NPAS3: variants seen among roughly 807,000 people sequenced by gnomAD.
NPAS3 encodes the protein neuronal PAS domain protein 3.
Under a neutral mutation model 73.1 loss-of-function variants are expected in NPAS3, and 14 were observed. The ratio of observed to expected loss-of-function variants is 0.19; its 90% CI spans 0.13 to 0.30. NPAS3 has a LOEUF of 0.30. Among genes scored for constraint, NPAS3 ranks in the 10% least tolerant of loss-of-function variants. The pLI is 1.00. For missense variants in NPAS3, 1,096 were observed against 1,250.0 expected, an observed-to-expected ratio of 0.88 and a Z score of 1.86; for synonymous variants, 620 against 541.5, an observed-to-expected ratio of 1.14 and a Z score of -2.01.
intron 5 of NPAS3, among the ~76,000 whole-genome samples, chr14:33,610,809 G>T (rs1305024993): frequency 2.6e-5 from 4 of 152,172 alleles, no homozygotes; most frequent in Non-Finnish European, 5.9e-5. Context: ...TCATAAATTA[G>T]CAAGGAGCTA....
At chr14:33,120,151 G>A (rs1595489323) in intron 2 of NPAS3, among the ~76,000 whole-genome samples, 1 of 152,162 alleles carries the variant, frequency 6.6e-6, no homozygotes, top group East Asian at 1.9e-4. Context: ...AGTAGAGATG[G>A]GGTTTCACCA....
intron 4 of NPAS3, among the ~76,000 whole-genome samples, chr14:33,450,669 A>G (rs1034747509): frequency 2.1e-4 from 32 of 152,206 alleles, no homozygotes; most frequent in Non-Finnish European, 3.4e-4. Context: ...AGAGTTGGCC[A>G]TGATATTTTA....
intron 2 of NPAS3, chr14:33,213,797 G>A (rs749586352): frequency 3.9e-5 from 6 of 152,128 alleles, no homozygotes; most frequent in African/African-American, 9.7e-5. Flanking sequence ...AACTGGTTGG[G>A]TATTAGCCTA....
At chr14:33,160,570 A>G (rs1450029651) in intron 2 of NPAS3, among the ~76,000 whole-genome samples, 2 of 151,588 alleles carry the variant, frequency 1.3e-5, no homozygotes, top group Admixed American at 6.6e-5. Flanking sequence ...CAGCACACCA[A>G]CATGGCACAT....
chr14:33,593,575 A>G (rs1169400972), intron 5 of NPAS3, among the ~76,000 whole-genome samples: 1 of 152,230 alleles, frequency 6.6e-6, no homozygotes, highest in African/African-American at 2.4e-5. Flanking sequence ...TTCTCCTGCA[A>G]TGGGCAACAA....
chr14:33,246,414 G>A (rs113802398), intron 3 of NPAS3, among the ~76,000 whole-genome samples: 2 of 150,736 alleles, frequency 1.3e-5, no homozygotes, highest in African/African-American at 2.4e-5. Context: ...TGGCGGGCAC[G>A]TGTAGTCCCA....
intron 5 of NPAS3, among the ~76,000 whole-genome samples, chr14:33,620,088 T>G (rs2058034688): frequency 1.3e-5 from 2 of 152,222 alleles, no homozygotes; most frequent in Non-Finnish European, 2.9e-5. Flanking sequence ...TGACAGGGTC[T>G]GGATGTGCTG....
chr14:33,295,049 TTTTA>T (rs1470268908), intron 3 of NPAS3, among the ~76,000 whole-genome samples: 2 of 152,220 alleles, frequency 1.3e-5, no homozygotes, highest in African/African-American at 4.8e-5. Flanking sequence ...AAAAATAGAC[TTTTA>T]TTTATCACAA....
chr14:33,097,865 T>C (rs1240675642), intron 2 of NPAS3, among the ~76,000 whole-genome samples: 1 of 152,220 alleles, frequency 6.6e-6, no homozygotes, highest in Admixed American at 6.5e-5. Flanking sequence ...ATTATCTGCT[T>C]TCTTGACTTA....
At chr14:33,612,307 A>C (rs1213733492) in intron 5 of NPAS3, 4 of 432,646 alleles carry the variant, frequency 9.2e-6, no homozygotes, top group Admixed American at 2.5e-5. Flanking sequence ...ATTTGCGCTC[A>C]AAGTGTTTCA....
intron 4 of NPAS3, among the ~76,000 whole-genome samples, chr14:33,429,441 G>A (rs1007926909): frequency 2.6e-5 from 4 of 152,066 alleles, no homozygotes; most frequent in African/African-American, 7.2e-5. Context: ...TTTTCTACAC[G>A]CAAATTAGTT....
At chr14:33,611,499 A>G (rs1165621879) in intron 5 of NPAS3, among the ~76,000 whole-genome samples, 1 of 152,042 alleles carries the variant, frequency 6.6e-6, no homozygotes, top group Non-Finnish European at 1.5e-5. Flanking sequence ...GCAGTCTTAG[A>G]CCGGGGGAGC....
At chr14:33,072,156 G>T (rs1202738006) in intron 2 of NPAS3, among the ~76,000 whole-genome samples, 1 of 152,182 alleles carries the variant, frequency 6.6e-6, no homozygotes, top group Non-Finnish European at 1.5e-5. Context: ...CTCCTAAAGT[G>T]CTGGGATTAC....
chr14:33,556,362 C>T (rs2055358405), intron 4 of NPAS3, among the ~76,000 whole-genome samples: 1 of 152,146 alleles, frequency 6.6e-6, no homozygotes, highest in Non-Finnish European at 1.5e-5. Flanking sequence ...GTATCCCAGA[C>T]CATAGTGGAA....
intron 3 of NPAS3, among the ~76,000 whole-genome samples, chr14:33,361,014 C>T (rs777065988): frequency 6.6e-6 from 1 of 152,082 alleles, no homozygotes; most frequent in Admixed American, 6.5e-5. Context: ...GGTTCTCTCA[C>T]GAAGAATGTT....
rs568732293 is a variant in NPAS3 at position 33,377,725 on chromosome 14, G to T, written c.468+10457G>T. Among the ~76,000 whole-genome samples the T allele has an allele frequency of 2.0e-5, 3 of 152,316 alleles. No homozygotes were observed. The South Asian group carries it at 6.2e-4, about 32-fold the overall frequency. On this transcript the variant is annotated intron_variant, in intron 4 of 11. Transcript: ENST00000356141. ...AGGAAGCAGTTTGAGGTAACATTTT[G>T]GAGGAAAGCCATGGTATTTGGCCAC...
chr14:33,357,565 CT>C (rs960743529), intron 3 of NPAS3, among the ~76,000 whole-genome samples: 7 of 152,240 alleles, frequency 4.6e-5, no homozygotes, highest in Non-Finnish European at 1.0e-4. Flanking sequence ...GAAAAGTCAT[CT>C]TTGGACCGGC....
intron 5 of NPAS3, among the ~76,000 whole-genome samples, chr14:33,635,465 G>C (rs2058488279): frequency 6.6e-6 from 1 of 152,208 alleles, no homozygotes; most frequent in African/African-American, 2.4e-5. Flanking sequence ...ATCATTTCGA[G>C]ATGTAAAAGC....
At chr14:32,958,739 A>T (rs972359203) in intron 1 of NPAS3, among the ~76,000 whole-genome samples, 2 of 152,240 alleles carry the variant, frequency 1.3e-5, no homozygotes, top group African/African-American at 2.4e-5. Flanking sequence ...AAACTGAATT[A>T]TACAATATTT....
Sources: allele counts gnomAD v4.1 joint callset (sites outside exome capture counted in the v4.1 genomes callset), GRCh38; gene constraint gnomAD v4.1.1; transcripts MANE v1.5; gene names NCBI Gene and HGNC (gene_info 2026-07-23, HGNC 2026-07-21).